NKAIN3: variants seen among roughly 807,000 people sequenced by gnomAD.
The protein encoded by NKAIN3 is sodium/potassium transporting ATPase interacting 3, also known as sodium/potassium-transporting ATPase subunit beta-1-interacting protein 3.
A neutral mutation model predicts 30.2 loss-of-function variants in NKAIN3; 25 were observed. That is an observed-to-expected ratio of 0.83 (90% CI 0.60 to 1.16). The LOEUF is 1.16. Ranked by LOEUF, NKAIN3 falls within the 50% of genes most tolerant of loss-of-function variation. NKAIN3 has a pLI of 0.00. For missense variants in NKAIN3, 225 were observed against 254.1 expected, an observed-to-expected ratio of 0.89 and a Z score of 0.78; for synonymous variants, 91 against 89.6, an observed-to-expected ratio of 1.02 and a Z score of -0.09.
intron 4 of NKAIN3, among the ~76,000 whole-genome samples, chr8:62,801,116 G>A (rs1423035246): frequency 6.6e-6 from 1 of 152,226 alleles, no homozygotes. Flanking sequence ...AAGCCGGGAA[G>A]CTCCAACTGG....
chr8:62,931,227 T>C (rs955378726), intron 5 of NKAIN3, among the ~76,000 whole-genome samples: 1 of 152,226 alleles, frequency 6.6e-6, no homozygotes, highest in African/African-American at 2.4e-5. Flanking sequence ...CATTCATAAA[T>C]TAAATCTCAA....
At position 62,967,577 on chromosome 8, in the gene NKAIN3, C is replaced by A. The variant is rs1421081566; in HGVS notation, c.*2170C>A. On this transcript the variant is annotated 3_prime_UTR_variant, in exon 7 of 7. Transcript: ENST00000623646. Reference sequence around the variant, plus strand: ...GTTTTTTAAAAAGCAGCTGGGAAAACCTTGCCCAAGTTTAAATGATTTGAA... The same window carrying A: ...GTTTTTTAAAAAGCAGCTGGGAAAAACTTGCCCAAGTTTAAATGATTTGAA... Among the ~76,000 whole-genome samples, 3 of 152,020 alleles carry A rather than the reference C, an allele frequency of 2.0e-5. No homozygotes were observed. The highest frequency in any genetic ancestry group is 4.4e-5 in the Non-Finnish European group (3 of 68,018).
chr8:62,928,267 T>C (rs1254793436), intron 5 of NKAIN3, among the ~76,000 whole-genome samples: 1 of 152,226 alleles, frequency 6.6e-6, no homozygotes, highest in Non-Finnish European at 1.5e-5. Flanking sequence ...TATAACAAAC[T>C]AGTGTTTCCA....
At chr8:62,765,356 T>C (rs1816805101) in intron 4 of NKAIN3, among the ~76,000 whole-genome samples, 1 of 151,604 alleles carries the variant, frequency 6.6e-6, no homozygotes, top group South Asian at 2.1e-4. Context: ...GTGCAAATCA[T>C]AGAAAGATTT....
chr8:62,798,122 C>T (rs1817924358), intron 4 of NKAIN3, among the ~76,000 whole-genome samples: 1 of 152,054 alleles, frequency 6.6e-6, no homozygotes, highest in Non-Finnish European at 1.5e-5. Context: ...GAAGGTGGAC[C>T]TCAAATCCAA....
intron 3 of NKAIN3, among the ~76,000 whole-genome samples, chr8:62,738,887 T>G (rs1815767513): frequency 1.3e-5 from 2 of 152,222 alleles, no homozygotes; most frequent in South Asian, 4.1e-4. Context: ...AATGATAGAC[T>G]GGATAAAGAA....
intron 1 of NKAIN3, among the ~76,000 whole-genome samples, chr8:62,255,938 T>A (rs1198287793): frequency 1.2e-4 from 19 of 152,134 alleles, no homozygotes; most frequent in Non-Finnish European, 4.4e-5. Flanking sequence ...CCTTGCATGA[T>A]TCTGAGGTAG....
intron 1 of NKAIN3, among the ~76,000 whole-genome samples, chr8:62,542,463 A>G (rs1264941323): frequency 1.3e-5 from 2 of 152,224 alleles, no homozygotes; most frequent in Non-Finnish European, 2.9e-5. Flanking sequence ...AGATTAATCA[A>G]CATATAAGAA....
intron 4 of NKAIN3, among the ~76,000 whole-genome samples, chr8:62,836,557 T>C (rs1819370587): frequency 6.6e-6 from 1 of 152,128 alleles, no homozygotes. Context: ...TCTGGTTGTC[T>C]TCAAGATTCC....
chr8:62,337,492 T>A (rs547040179), intron 1 of NKAIN3, among the ~76,000 whole-genome samples: 1 of 151,546 alleles, frequency 6.6e-6, no homozygotes, highest in African/African-American at 2.4e-5. Context: ...CTATAAGGAG[T>A]GTCATGAATT....
chr8:62,670,417 C>A (rs1203914039), intron 3 of NKAIN3, among the ~76,000 whole-genome samples: 2 of 152,144 alleles, frequency 1.3e-5, no homozygotes, highest in Non-Finnish European at 2.9e-5. Flanking sequence ...ATATACATTT[C>A]TTGACCCAAT....
rs559922384 is a variant in NKAIN3, at chr8:62,746,133, G to A, written c.274-799G>A. Among the ~76,000 whole-genome samples, 170 of 152,338 alleles carry A rather than the reference G, an allele frequency of 1.1e-3. 5 individuals carry two copies. The South Asian group carries it at 0.035, about 31-fold the overall frequency. On this transcript the variant is annotated intron_variant, in intron 3 of 6. Coordinates refer to ENST00000623646, the MANE Select transcript of NKAIN3 (RefSeq NM_001304533.3). ...GTCTTGGCAGGGCCAAACTCTCTCT[G>A]AAGCTTTAGAGGAGAATTCTTCCTG...
chr8:62,842,322 T>C (rs1008751982), intron 4 of NKAIN3, among the ~76,000 whole-genome samples: 1 of 152,112 alleles, frequency 6.6e-6, no homozygotes, highest in Non-Finnish European at 1.5e-5. Context: ...AAAAGACTTA[T>C]ATACTGAAGA....
intron 1 of NKAIN3, among the ~76,000 whole-genome samples, chr8:62,522,029 A>G (rs1471891162): frequency 2.0e-5 from 3 of 152,134 alleles, no homozygotes; most frequent in Non-Finnish European, 2.9e-5. Flanking sequence ...TGGCTACCCC[A>G]GTCCTCTCAC....
intron 1 of NKAIN3, among the ~76,000 whole-genome samples, chr8:62,426,935 A>G (rs1045306497): frequency 6.6e-6 from 1 of 152,030 alleles, no homozygotes; most frequent in Non-Finnish European, 1.5e-5. Context: ...CATGGGTAAT[A>G]TCACACTGGA....
intron 1 of NKAIN3, among the ~76,000 whole-genome samples, chr8:62,527,079 T>G (rs1416498807): frequency 1.3e-5 from 2 of 152,198 alleles, no homozygotes; most frequent in Non-Finnish European, 2.9e-5. Flanking sequence ...GTCTCTAGAC[T>G]GGAATCCCAT....
chr8:62,695,057 C>T (rs1359688973), intron 3 of NKAIN3, among the ~76,000 whole-genome samples: 2 of 152,204 alleles, frequency 1.3e-5, no homozygotes, highest in Non-Finnish European at 2.9e-5. Flanking sequence ...ATGCGGATTT[C>T]ATATTGCCTT....
In NKAIN3 at chr8:62,407,653, G is replaced by A. The variant is rs532639690; in HGVS notation, c.54+158526G>A. On this transcript the variant is annotated intron_variant, in intron 1 of 6. Coordinates refer to ENST00000623646, the MANE Select transcript of NKAIN3 (RefSeq NM_001304533.3). The stretch of plus-strand genomic sequence containing the variant: ...TCACCGTGTGAGCCAGGATGGTCTC[G>A]ATCTCTTGATCTCGTGATCCACCCG... Among the ~76,000 whole-genome samples the A allele has an allele frequency of 3.9e-5, 6 of 152,234 alleles. No homozygotes were observed. In the South Asian group the frequency reaches 8.3e-4, roughly 21 times the overall value.
rs192069115 is a variant in NKAIN3 at position 62,782,944 on chromosome 8, C to T, written c.471+35815C>T. On this transcript the variant is annotated intron_variant, in intron 4 of 6. Transcript: ENST00000623646. The stretch of plus-strand genomic sequence containing the variant: ...ATTTCAAAATAATTAGAAAAGAGGA[C>T]TTGAAATGATATCAAAACATAGAAA... Among the ~76,000 whole-genome samples, 824 of 151,826 alleles carry T rather than the reference C, an allele frequency of 5.4e-3. 6 individuals carry two copies. The highest frequency in any genetic ancestry group is 7.8e-3 in the Non-Finnish European group (527 of 67,926).
Sources: allele counts gnomAD v4.1 joint callset (sites outside exome capture counted in the v4.1 genomes callset), GRCh38; gene constraint gnomAD v4.1.1; transcripts MANE v1.5; gene names NCBI Gene and HGNC (gene_info 2026-07-23, HGNC 2026-07-21).